SLC24A3: variants seen among roughly 807,000 people sequenced by gnomAD.
SLC24A3 encodes the protein solute carrier family 24 member 3.
A neutral mutation model predicts 75.8 loss-of-function variants in SLC24A3; 28 were observed. The observed-to-expected ratio is 0.37, with a 90% CI of 0.27 to 0.51. The LOEUF (loss-of-function observed/expected upper bound fraction) is 0.51, where lower values mean the gene tolerates loss of function less well. SLC24A3 is among the 20% of genes least tolerant of loss of function. The probability of loss-of-function intolerance (pLI) is 0.94; values close to 1 mark genes in which losing one functional copy is unlikely to be tolerated. For synonymous variants in SLC24A3, 372 were observed against 334.1 expected (o/e 1.11, Z -1.24); for missense variants, 663 against 847.8 (o/e 0.78, Z 2.71).
intron 2 of SLC24A3, among the ~76,000 whole-genome samples, chr20:19,434,302 C>T (rs1485950393): frequency 2.0e-5 from 3 of 152,144 alleles, no homozygotes; most frequent in African/African-American, 7.2e-5. Flanking sequence ...TTGATCACTC[C>T]GCAGCGAGGG....
At chr20:19,280,318 G>C (rs1387581543) in intron 1 of SLC24A3, among the ~76,000 whole-genome samples, 1 of 152,156 alleles carries the variant, frequency 6.6e-6, no homozygotes, top group Admixed American at 6.5e-5. Flanking sequence ...TGGCACTCAT[G>C]AACCTATGCT....
Position 19,493,279 on chromosome 20 carries a change from G to A in SLC24A3, c.272-22209G>A, listed in dbSNP as rs192398947. ...CTCAGATCTTATCTCTGACATAGCCGGTGGGAGGGCCTGAAGACCTTGGAA... is the reference window on the plus strand; with the variant it reads ...CTCAGATCTTATCTCTGACATAGCCAGTGGGAGGGCCTGAAGACCTTGGAA... On this transcript the variant is annotated intron_variant, in intron 2 of 16. Transcript: ENST00000328041. 5.3e-4 allele frequency among the ~76,000 whole-genome samples: 80 copies of A among 152,292 alleles called. 1 individual carries two copies. The highest frequency in any genetic ancestry group is 1.4e-3 in the African/African-American group (60 of 41,558).
chr20:19,584,925 A>T (rs775215970), intron 4 of SLC24A3, 46 bp from the exon 5 acceptor site: 1 of 1,565,840 alleles, frequency 6.4e-7, no homozygotes, highest in South Asian at 1.1e-5. Context: ...CTCTCTTCCG[A>T]GATGGAATCC....
chr20:19,512,257 G>T (rs1206715970), intron 2 of SLC24A3, among the ~76,000 whole-genome samples: 1 of 152,220 alleles, frequency 6.6e-6, no homozygotes, highest in Non-Finnish European at 1.5e-5. Flanking sequence ...GGAGGAAAGG[G>T]AGGGTTGCTG....
chr20:19,429,705 G>A (rs1049464981), intron 2 of SLC24A3, among the ~76,000 whole-genome samples: 2 of 152,084 alleles, frequency 1.3e-5, no homozygotes, highest in South Asian at 2.1e-4. Flanking sequence ...TGGGCCGGCC[G>A]ACTCTATATA....
intron 6 of SLC24A3, among the ~76,000 whole-genome samples, chr20:19,600,642 G>A (rs2031516621): frequency 6.6e-6 from 1 of 152,120 alleles, no homozygotes; most frequent in African/African-American, 2.4e-5. Context: ...AGCTAAGTGG[G>A]TTTTGTGTAT....
At chr20:19,320,687 G>T (rs1984687164) in intron 2 of SLC24A3, among the ~76,000 whole-genome samples, 1 of 152,074 alleles carries the variant, frequency 6.6e-6, no homozygotes, top group Non-Finnish European at 1.5e-5. Context: ...AAATCCGAGG[G>T]TGGGTGCCCA....
intron 2 of SLC24A3, among the ~76,000 whole-genome samples, chr20:19,417,636 T>A (rs1219155931): frequency 6.6e-6 from 1 of 152,186 alleles, no homozygotes; most frequent in East Asian, 1.9e-4. Context: ...AACAGAAGAA[T>A]AAGTTGTTTA....
chr20:19,674,635 T>A (rs183591073), intron 9 of SLC24A3, among the ~76,000 whole-genome samples: 13 of 152,300 alleles, frequency 8.5e-5, no homozygotes, highest in African/African-American at 3.1e-4. Context: ...CTAAGTCCAG[T>A]CCACACTCAA....
chr20:19,330,783 C>G (rs1328848630), intron 2 of SLC24A3, among the ~76,000 whole-genome samples: 1 of 152,206 alleles, frequency 6.6e-6, no homozygotes, highest in Non-Finnish European at 1.5e-5. Context: ...AAATGCCTCT[C>G]ATAAGTGTAC....
At chr20:19,305,630 G>A (rs1179898948) in intron 2 of SLC24A3, among the ~76,000 whole-genome samples, 5 of 152,042 alleles carry the variant, frequency 3.3e-5, no homozygotes, top group African/African-American at 9.7e-5. Flanking sequence ...CTTCAAAAAA[G>A]TCAACATTAA....
At chr20:19,388,582 G>A (rs1986312577) in intron 2 of SLC24A3, among the ~76,000 whole-genome samples, 2 of 152,156 alleles carry the variant, frequency 1.3e-5, no homozygotes, top group Admixed American at 1.3e-4. Context: ...GTGGTGGTGG[G>A]TGCCTGTAGT....
intron 2 of SLC24A3, among the ~76,000 whole-genome samples, chr20:19,379,219 A>G (rs943208059): frequency 1.4e-4 from 21 of 152,156 alleles, no homozygotes; most frequent in Admixed American, 1.3e-4. Flanking sequence ...ACTCCGTCAC[A>G]TATGTTCAGA....
chr20:19,568,383 A>G (rs1453940122), intron 3 of SLC24A3, among the ~76,000 whole-genome samples: 1 of 152,226 alleles, frequency 6.6e-6, no homozygotes, highest in African/African-American at 2.4e-5. Flanking sequence ...AGATAAATGG[A>G]TAAGCACATT....
chr20:19,400,115 G>C (rs1460797436), intron 2 of SLC24A3, among the ~76,000 whole-genome samples: 1 of 152,074 alleles, frequency 6.6e-6, no homozygotes, highest in Non-Finnish European at 1.5e-5. Flanking sequence ...TCCATTCTTG[G>C]TTAGCTTTGA....
intron 1 of SLC24A3, among the ~76,000 whole-genome samples, chr20:19,260,930 G>A (rs1374291525): frequency 2.0e-5 from 3 of 152,220 alleles, no homozygotes. Context: ...ATGGGATCAG[G>A]TCGAGTCACA....
intron 2 of SLC24A3, among the ~76,000 whole-genome samples, chr20:19,302,150 A>T (rs1185790161): frequency 6.6e-6 from 1 of 152,116 alleles, no homozygotes; most frequent in Non-Finnish European, 1.5e-5. Context: ...ACCTTCCTAA[A>T]CTGAACTTCA....
At chr20:19,417,515 G>A (rs2122430350) in intron 2 of SLC24A3, among the ~76,000 whole-genome samples, 1 of 152,300 alleles carries the variant, frequency 6.6e-6, no homozygotes, top group African/African-American at 2.4e-5. Flanking sequence ...TGCAGGATGG[G>A]AAAGATGAGA....
chr20:19,566,700 A>G (rs1227480569), intron 3 of SLC24A3, among the ~76,000 whole-genome samples: 1 of 152,246 alleles, frequency 6.6e-6, no homozygotes, highest in South Asian at 2.1e-4. Flanking sequence ...GACTCAAACC[A>G]GGAAGGTATC....
Sources: allele counts gnomAD v4.1 joint callset (sites outside exome capture counted in the v4.1 genomes callset), GRCh38; gene constraint gnomAD v4.1.1; transcripts MANE v1.5; gene names NCBI Gene and HGNC (gene_info 2026-07-23, HGNC 2026-07-21).